Variants in PIEZO2 observed in about 807,000 individuals in gnomAD.
PIEZO2 encodes the protein piezo-type mechanosensitive ion channel component 2.
In PIEZO2, 172 loss-of-function variants were observed where a neutral mutation model predicts 337.3. The ratio of observed to expected loss-of-function variants is 0.51; its 90% confidence interval spans 0.45 to 0.58. The LOEUF (loss-of-function observed/expected upper bound fraction) is 0.58, where lower values mean the gene tolerates loss of function less well. PIEZO2 is among the 20% of genes least tolerant of loss of function. The probability of loss-of-function intolerance (pLI) is 0.00; values close to 1 mark genes in which losing one functional copy is unlikely to be tolerated. For missense variants in PIEZO2, 3,028 were observed against 3,391.3 expected, an observed-to-expected ratio of 0.89 and a Z score of 2.66; for synonymous variants, 1,251 against 1,228.5, an observed-to-expected ratio of 1.02 and a Z score of -0.38.
intron 10 of PIEZO2, among the ~76,000 whole-genome samples, chr18:10,800,719 C>T (rs897389403): frequency 6.6e-6 from 1 of 152,244 alleles, no homozygotes; most frequent in Non-Finnish European, 1.5e-5. Flanking sequence ...TTGCCTGAAA[C>T]CATGCTTCGC....
chr18:10,944,934 G>C (rs1464518149), intron 3 of PIEZO2, among the ~76,000 whole-genome samples: 1 of 152,172 alleles, frequency 6.6e-6, no homozygotes, highest in Non-Finnish European at 1.5e-5. Context: ...CTTGCCGTGA[G>C]ATAATGTCCA....
intron 7 of PIEZO2, among the ~76,000 whole-genome samples, chr18:10,810,192 C>T (rs149217710): frequency 1.1e-4 from 16 of 152,156 alleles, no homozygotes; most frequent in African/African-American, 3.6e-4. Flanking sequence ...AAAGAAAGGA[C>T]AGTTTTTAGA....
intron 1 of PIEZO2, among the ~76,000 whole-genome samples, chr18:11,071,473 T>C (rs907106418): frequency 6.6e-6 from 1 of 152,176 alleles, no homozygotes; most frequent in Non-Finnish European, 1.5e-5. Flanking sequence ...AAATGAGAGA[T>C]TGTACCCTGC....
intron 2 of PIEZO2, among the ~76,000 whole-genome samples, chr18:10,991,217 C>T (rs143873238): frequency 0.035 from 5,145 of 148,412 alleles, 145 homozygotes; most frequent in African/African-American, 0.074. Flanking sequence ...TATATATATA[C>T]ACACACACAC....
chr18:10,824,776 T>G lies in PIEZO2; in HGVS notation c.918-17502A>C, dbSNP rs146204493. ...AAATCTTACATTAGTATGATACATC[T>G]GTCACAATTAACAAAACAATACTGA... On this transcript the variant is annotated intron_variant, in intron 7 of 55. Transcript: ENST00000674853. This position sits in a 1 kb window ranked among gnomAD's most constrained non-coding sequence, Gnocchi z 4.4. 2.6e-3 allele frequency among the ~76,000 whole-genome samples: 395 copies of G among 152,342 alleles called. No homozygotes were observed. The highest frequency in any genetic ancestry group is 9.2e-3 in the African/African-American group (381 of 41,586).
At chr18:10,966,644 T>C (rs541797484) in intron 3 of PIEZO2, among the ~76,000 whole-genome samples, 1 of 152,190 alleles carries the variant, frequency 6.6e-6, no homozygotes, top group Non-Finnish European at 1.5e-5. Context: ...TTTATAGGTT[T>C]TTGGGAAACA....
chr18:10,774,395 G>A (rs115675128), intron 18 of PIEZO2, among the ~76,000 whole-genome samples: 3,757 of 152,292 alleles, frequency 0.025, 147 homozygotes, highest in African/African-American at 0.085. Context: ...TTTCTTGAAA[G>A]AATGTGTGCT....
At position 11,020,106 on chromosome 18, in the gene PIEZO2, G is replaced by A. The variant is rs141264545; in HGVS notation, c.161-40446C>T. ...TTCAATTTTCTAATTTTAAAAGTTT[G>A]GGATCTGGGGAGCGATTTTTAAAAA... On this transcript the variant is annotated intron_variant, in intron 2 of 55. Coordinates refer to ENST00000674853, the MANE Select transcript of PIEZO2 (RefSeq NM_001378183.1). Among the ~76,000 whole-genome samples the A allele has an allele frequency of 3.6e-4, 55 of 152,240 alleles. No homozygotes were observed. In the East Asian group the frequency reaches 0.01, roughly 28 times the overall value.
intron 1 of PIEZO2, among the ~76,000 whole-genome samples, chr18:11,130,545 A>G (rs1297470040): frequency 1.3e-5 from 2 of 152,246 alleles, no homozygotes; most frequent in African/African-American, 4.8e-5. Context: ...CATTACATTG[A>G]TGACATTATG....
chr18:11,060,340 T>A (rs949658598), intron 2 of PIEZO2, among the ~76,000 whole-genome samples: 2 of 151,894 alleles, frequency 1.3e-5, no homozygotes, highest in African/African-American at 2.4e-5. Context: ...ACATCACAAT[T>A]AAAAGAACTA....
At chr18:10,994,455 G>T (rs1198571198) in intron 2 of PIEZO2, among the ~76,000 whole-genome samples, 1 of 150,800 alleles carries the variant, frequency 6.6e-6, no homozygotes, top group Admixed American at 6.6e-5. Flanking sequence ...TATTGCTCAG[G>T]CTGGAGTGCA....
At chr18:10,804,635 A>G (rs1224710774) in intron 8 of PIEZO2, among the ~76,000 whole-genome samples, 1 of 151,864 alleles carries the variant, frequency 6.6e-6, no homozygotes, top group African/African-American at 2.4e-5. Flanking sequence ...GCACCAGAGT[A>G]GAACTCCTAA....
chr18:11,062,652 C>T (rs11080478), intron 2 of PIEZO2, among the ~76,000 whole-genome samples: 98,908 of 152,008 alleles, frequency 0.65, 32,843 homozygotes, highest in East Asian at 0.97. Flanking sequence ...AAAAGACACA[C>T]GAAAAAATGC....
At chr18:10,721,507 CA>C in intron 36 of PIEZO2, among the ~76,000 whole-genome samples, 1 of 150,704 alleles carries the variant, frequency 6.6e-6, no homozygotes, top group Admixed American at 6.6e-5. Flanking sequence ...TCAAGATGAC[CA>C]AAGAACAAAT....
In PIEZO2 at chr18:11,003,709, G is replaced by T. The variant is rs2035625141; in HGVS notation, c.161-24049C>A. Among the ~76,000 whole-genome samples the T allele has an allele frequency of 6.6e-6, 1 of 152,116 alleles. No individual in the cohort carries two copies. Among genetic ancestry groups the T allele is most frequent in the South Asian group, 2.1e-4 (1 of 4,824 alleles). The stretch of plus-strand genomic sequence containing the variant: ...CTAGCACACAGACTGGGACCATGTG[G>T]ACACACCAATTTACCTAACATGTCC... On this transcript the variant is annotated intron_variant, in intron 2 of 55. Coordinates refer to ENST00000674853, the MANE Select transcript of PIEZO2 (RefSeq NM_001378183.1). The surrounding 1 kb of genome is among the most constrained non-coding windows in gnomAD (Gnocchi z 4.6).
At chr18:10,779,423 C>T (rs946041915) in intron 18 of PIEZO2, among the ~76,000 whole-genome samples, 3 of 152,128 alleles carry the variant, frequency 2.0e-5, no homozygotes, top group African/African-American at 7.2e-5. Context: ...TAAGTTAGAT[C>T]CCAAAGGATA....
chr18:10,702,356 G>A (rs1248351385), intron 42 of PIEZO2, among the ~76,000 whole-genome samples, 185 bp from the exon 43 acceptor site: 1 of 152,164 alleles, frequency 6.6e-6, no homozygotes, highest in Admixed American at 6.6e-5. Flanking sequence ...CTTCATAACA[G>A]AAGCAGCATC....
chr18:10,975,803 G>A (rs772302413), intron 3 of PIEZO2, among the ~76,000 whole-genome samples: 64 of 152,242 alleles, frequency 4.2e-4, no homozygotes, highest in Non-Finnish European at 8.1e-4. Flanking sequence ...ATGAGCGCTT[G>A]GTGGTCTTGA....
intron 1 of PIEZO2, among the ~76,000 whole-genome samples, chr18:11,147,643 G>C (rs1388212778): frequency 6.6e-6 from 1 of 152,250 alleles, no homozygotes; most frequent in Non-Finnish European, 1.5e-5. Context: ...GGAGAGCAAA[G>C]AACCAGGGCC....
Sources: allele counts gnomAD v4.1 joint callset (sites outside exome capture counted in the v4.1 genomes callset), GRCh38; gene constraint gnomAD v4.1.1; non-coding constraint Gnocchi (gnomAD v3.1); transcripts MANE v1.5; gene names NCBI Gene and HGNC (gene_info 2026-07-23, HGNC 2026-07-21).